ITPR3: variants seen among roughly 807,000 people sequenced by gnomAD.
ITPR3 encodes the protein inositol 1,4,5-trisphosphate receptor type 3.
In ITPR3, 173 loss-of-function variants were observed where a neutral mutation model predicts 293.2. That is an observed-to-expected ratio of 0.59 (90% CI 0.52 to 0.67). The LOEUF (loss-of-function observed/expected upper bound fraction) is 0.67, where lower values mean the gene tolerates loss of function less well. ITPR3 is among the 30% of genes least tolerant of loss of function. ITPR3 has a pLI of 0.00. For missense variants in ITPR3, 2,796 were observed against 3,592.1 expected (o/e 0.78, Z 5.66); for synonymous variants, 1,295 against 1,444.4 (o/e 0.90, Z 2.35).
At chr6:33,662,800 G>A in intron 8 of ITPR3, 111 bp from the exon 9 acceptor site, 2 of 1,490,362 alleles carry the variant, frequency 1.3e-6, no homozygotes, top group African/African-American at 1.4e-5. Flanking sequence ...GAGTCAAAAG[G>A]CCAGAGAGGG....
chr6:33,657,839 G>A, intron 3 of ITPR3, 93 bp from the exon 4 acceptor site: 2 of 952,342 alleles, frequency 2.1e-6, no homozygotes, highest in East Asian at 5.3e-5. Context: ...GTGTGTTTGT[G>A]TGCATGTGTG....
intron 3 of ITPR3, among the ~76,000 whole-genome samples, chr6:33,656,779 C>T (rs1764317024): frequency 6.6e-6 from 1 of 152,246 alleles, no homozygotes; most frequent in Admixed American, 6.5e-5. Context: ...TTGCCCCACC[C>T]CTTGTCATAC....
rs1308874252 is a variant in ITPR3 at position 33,684,171 on chromosome 6, G to T, written c.4937+3G>T. The T allele has an allele frequency of 6.2e-7, 1 of 1,610,100 alleles. No homozygotes were observed. ...GAGAGTGGGGGCTTCCTGTCCAAGTGAGCGAGACACTGGGGCATGGGGGCA... is the reference window on the plus strand; with the variant it reads ...GAGAGTGGGGGCTTCCTGTCCAAGTTAGCGAGACACTGGGGCATGGGGGCA... On this transcript the variant is annotated splice_donor_region_variant and intron_variant, in intron 36 of 57. Coordinates refer to ENST00000605930, the MANE Select transcript of ITPR3 (RefSeq NM_002224.4). The surrounding 1 kb of genome is among the most constrained non-coding windows in gnomAD (Gnocchi z 4.2).
At chr6:33,695,333 C>G (rs1244399238) in intron 57 of ITPR3, 2 of 570,598 alleles carry the variant, frequency 3.5e-6, no homozygotes, top group African/African-American at 3.7e-5. Context: ...CCCTCTGTCT[C>G]TCATCCCCTT....
Position 33,666,102 on chromosome 6 carries a change from A to T in ITPR3, c.1551+126A>T. ...TATGGGGCACGACCACGTGCCAGGG[A>T]CTTCCCTAAGTACCCCACATGTGTT... On this transcript the variant is annotated intron_variant, in intron 14 of 57. Transcript: ENST00000605930. This position sits in a 1 kb window ranked among gnomAD's most constrained non-coding sequence, Gnocchi z 5.1. The T allele has an allele frequency of 8.8e-7, 1 of 1,132,854 alleles. No individual in the cohort carries two copies. The highest frequency in any genetic ancestry group is 1.2e-6 in the Non-Finnish European group (1 of 816,578). 70.2% of individuals were successfully genotyped at this position (1,132,854 alleles called of 1,614,324 possible). A position where few individuals can be genotyped will look rare whatever the true frequency, so the allele number is the denominator to read the frequency against.
intron 22 of ITPR3, among the ~76,000 whole-genome samples, chr6:33,673,028 C>T (rs1764809985): frequency 6.6e-6 from 1 of 152,158 alleles, no homozygotes; most frequent in African/African-American, 2.4e-5. Context: ...CTGACTCATT[C>T]TGAGGGCTGG....
At chr6:33,649,237 TG>T (rs1764135820) in intron 2 of ITPR3, among the ~76,000 whole-genome samples, 1 of 151,900 alleles carries the variant, frequency 6.6e-6, no homozygotes, top group Non-Finnish European at 1.5e-5. Flanking sequence ...ATTTTGTTTT[TG>T]TTTTGAGATG....
chr6:33,694,375 AG>A (rs1765478159), intron 56 of ITPR3: 1 of 172,994 alleles, frequency 5.8e-6, no homozygotes, highest in African/African-American at 2.4e-5. Context: ...GCTTACTACA[AG>A]GAAGCTGAGA....
At chr6:33,626,405 G>A (rs2151275203) in intron 1 of ITPR3, among the ~76,000 whole-genome samples, 1 of 152,284 alleles carries the variant, frequency 6.6e-6, no homozygotes, top group South Asian at 2.1e-4. Context: ...CTAGGGCTAA[G>A]GTCTGGGTGT....
Position 33,693,684 on chromosome 6 carries a change from C to A in ITPR3, c.7764C>A (p.Ser2588Arg). 6.2e-7 allele frequency: 1 copy of A among 1,614,174 alleles called. No homozygotes were observed. The change falls in exon 56 of 58, where the codon AGC becomes AGA. Residue 2588 changes from serine to arginine, a missense_variant. Transcript: ENST00000605930. Reference protein sequence around the residue: ...KNKTDYTGPESYVAQMIKNKN... With the variant: ...KNKTDYTGPERYVAQMIKNKN... The stretch of plus-strand genomic sequence containing the variant: ...AGACCGACTACACGGGCCCTGAGAG[C>A]TACGTGGCCCAGATGATCAAGGTGT...
At chr6:33,630,284 T>C (rs1397417767) in intron 1 of ITPR3, among the ~76,000 whole-genome samples, 1 of 152,184 alleles carries the variant, frequency 6.6e-6, no homozygotes, top group Non-Finnish European at 1.5e-5. Flanking sequence ...CTGCCTTTGT[T>C]GCTTTGTTTC....
In ITPR3 at chr6:33,657,992, G is replaced by T. The variant is rs1344792143; in HGVS notation, c.343G>T (p.Val115Phe). The T allele has an allele frequency of 1.2e-6, 2 of 1,613,790 alleles. No individual in the cohort carries two copies. The highest frequency in any genetic ancestry group is 1.7e-5 in the Admixed American group (1 of 59,978). ...GGAGAACAAGAAGGTGCATGGGGAT[G>T]TCGTGAAGTATGGCAGTGTGATCCA... ...DTENKKVHGDVVKYGSVIQLL... is the reference protein window; with the variant it reads ...DTENKKVHGDFVKYGSVIQLL... Residue 115 changes from valine (V) to phenylalanine (F), a missense_variant, in exon 4 of 58, where the codon GTC becomes TTC. Val to Phe is a conservative substitution (Grantham distance 50). Transcript: ENST00000605930.
In ITPR3 at chr6:33,657,923, T is replaced by C; in HGVS notation, c.283-9T>C. ...AGCCCACCCTTCACTTCTGTGTGTGTCTGTGCAGCATGCGGCGCAGATGGA... is the reference window on the plus strand; with the variant it reads ...AGCCCACCCTTCACTTCTGTGTGTGCCTGTGCAGCATGCGGCGCAGATGGA... On this transcript the variant is annotated splice_polypyrimidine_tract_variant and intron_variant, in intron 3 of 57. Coordinates refer to ENST00000605930, the MANE Select transcript of ITPR3 (RefSeq NM_002224.4). 6.2e-7 allele frequency: 1 copy of C among 1,613,058 alleles called. No homozygotes were observed. Among genetic ancestry groups the C allele is most frequent in the Non-Finnish European group, 8.5e-7 (1 of 1,179,426 alleles).
intron 57 of ITPR3, 85 bp downstream of exon 57, chr6:33,695,170 T>G (rs1765506963): frequency 2.1e-6 from 3 of 1,442,572 alleles, no homozygotes; most frequent in African/African-American, 2.8e-5. Flanking sequence ...TGACCCACCC[T>G]CTTCCCCACT....
intron 1 of ITPR3, among the ~76,000 whole-genome samples, chr6:33,622,147 G>A (rs1763452829): frequency 6.6e-6 from 1 of 152,042 alleles, no homozygotes; most frequent in African/African-American, 2.4e-5. Flanking sequence ...GCCTTTGAGG[G>A]GTCGCACCTT....
chr6:33,693,582 AT>A lies in ITPR3; in HGVS notation c.7665del (p.Phe2555LeufsTer23). 1 of 1,614,184 alleles carries A rather than the reference AT, an allele frequency of 6.2e-7. No homozygotes were observed. The highest frequency in any genetic ancestry group is 1.3e-5 in the African/African-American group (1 of 75,066). On this transcript the variant is annotated frameshift_variant, in exon 56 of 58. Transcript: ENST00000605930. LOFTEE classifies it high-confidence loss of function. ...RDKFDNKTVS[F>X]EEHIKLEHNM... ...ACAAGTTTGATAACAAGACAGTGTC[AT>A]TTGAGGAACACATCAAGCTGGAGCA...
In ITPR3 at chr6:33,653,958, C is replaced by T. The variant is rs117499183; in HGVS notation, c.161-1808C>T. On this transcript the variant is annotated intron_variant, in intron 2 of 57. Transcript: ENST00000605930. ...AGGACCCCAGCTGCCTCCTGAGGGC[C>T]GAGCCGAACCCATAAAGATGCACTC... Among the ~76,000 whole-genome samples, 9 of 152,242 alleles carry T rather than the reference C, an allele frequency of 5.9e-5. No individual in the cohort carries two copies. The East Asian group carries it at 1.7e-3, about 29-fold the overall frequency.
rs1428308831 is a variant in ITPR3 at position 33,662,932 on chromosome 6, C to A, written c.880C>A (p.Arg294Ser). 1 of 1,601,832 alleles carries A rather than the reference C, an allele frequency of 6.2e-7. No homozygotes were observed. The highest frequency in any genetic ancestry group is 8.5e-7 in the Non-Finnish European group (1 of 1,173,584). ...EVEVVHHDPC[R>S]GGAGHWNGLY... ...CTAGGTGGTCCACCACGACCCCTGC[C>A]GTGGAGGAGCTGGGCACTGGAATGG... The change falls in exon 9 of 58, where the codon CGT becomes AGT. Residue 294 changes from arginine to serine, a missense_variant. By Grantham distance (110) the Arg-to-Ser change is moderately radical. Transcript: ENST00000605930.
chr6:33,668,295 C>T (rs1181838936), intron 16 of ITPR3, among the ~76,000 whole-genome samples: 4 of 152,190 alleles, frequency 2.6e-5, no homozygotes, highest in African/African-American at 4.8e-5. Context: ...TCACCCTGTC[C>T]GTCTGAACCC....
Sources: allele counts gnomAD v4.1 joint callset (sites outside exome capture counted in the v4.1 genomes callset), GRCh38; gene constraint gnomAD v4.1.1; non-coding constraint Gnocchi (gnomAD v3.1); transcripts MANE v1.5; gene names NCBI Gene and HGNC (gene_info 2026-07-23, HGNC 2026-07-21).